The following DNAJC6 variants were observed in gnomAD, a reference collection of about 807,000 sequenced individuals.
DNAJC6 encodes auxilin.
DNAJC6 carries 34 observed loss-of-function variants against 110.0 expected under a neutral mutation model. The observed-to-expected ratio is 0.31, with a 90% CI of 0.24 to 0.41. DNAJC6 has a LOEUF of 0.41. Among genes scored for constraint, DNAJC6 ranks in the 10% least tolerant of loss-of-function variants. The pLI, the probability that DNAJC6 is intolerant of heterozygous loss-of-function variation, is 1.00. For missense variants in DNAJC6, 1,031 were observed against 1,207.8 expected (o/e 0.85, Z 2.17); for synonymous variants, 406 against 437.2 (o/e 0.93, Z 0.89).
upstream of DNAJC6, among the ~76,000 whole-genome samples, chr1:65,309,103 AGGCT>A: frequency 6.6e-6 from 1 of 152,178 alleles, no homozygotes; most frequent in African/African-American, 2.4e-5. Flanking sequence ...CGGTGAAAAT[AGGCT>A]AAGTTGCATG....
intron 1 of DNAJC6, among the ~76,000 whole-genome samples, chr1:65,340,727 A>G (rs1014597507): frequency 1.3e-5 from 2 of 152,156 alleles, no homozygotes; most frequent in Non-Finnish European, 2.9e-5. Context: ...AAAGAATGGT[A>G]GCTTCTCTGC....
At chr1:65,386,964 T>G in intron 8 of DNAJC6, 35 bp downstream of exon 8, 1 of 1,527,332 alleles carries the variant, frequency 6.5e-7, no homozygotes. Flanking sequence ...CATAAGTTCA[T>G]CTGAGTCTTC....
In DNAJC6 at chr1:65,364,635, G is replaced by A. The variant is rs765766449; in HGVS notation, c.194G>A (p.Gly65Asp). Residue 65 changes from glycine (G) to aspartate (D), a missense_variant and splice_region_variant, in exon 2 of 19, where the codon GGT (glycine) becomes GAT (aspartate). Physicochemically the swap from Gly to Asp is moderately conservative, Grantham distance 94 (BLOSUM62 -1). Coordinates refer to ENST00000371069, the MANE Select transcript of DNAJC6 (RefSeq NM_001256864.2). Reference sequence around the variant, plus strand: ...GTTTGTTTTTTTTTTTTTTTGGCAGGTGCCTCATCTCCAGACATGGAGCCC... The same window carrying A: ...GTTTGTTTTTTTTTTTTTTTGGCAGATGCCTCATCTCCAGACATGGAGCCC... ...PDRASTMDSS[G>D]ASSPDMEPSY... 1 of 1,570,246 alleles carries A rather than the reference G, an allele frequency of 6.4e-7. No homozygotes were observed. Among genetic ancestry groups the A allele is most frequent in the Non-Finnish European group, 8.6e-7 (1 of 1,168,652 alleles).
chr1:65,412,236 G>T (rs908008406), intron 18 of DNAJC6, among the ~76,000 whole-genome samples: 1 of 152,118 alleles, frequency 6.6e-6, no homozygotes, highest in African/African-American at 2.4e-5. Context: ...ACATCTAAGG[G>T]CTCTACCTTG....
intron 1 of DNAJC6, among the ~76,000 whole-genome samples, chr1:65,361,323 C>T (rs1398078127): frequency 1.3e-5 from 2 of 152,174 alleles, no homozygotes; most frequent in East Asian, 3.8e-4. Flanking sequence ...ATTCAATGTG[C>T]TTTGCAATTT....
At chr1:65,327,434 G>T (rs1570281959) in intron 1 of DNAJC6, among the ~76,000 whole-genome samples, 1 of 152,190 alleles carries the variant, frequency 6.6e-6, no homozygotes, top group Middle Eastern at 3.4e-3. Context: ...TTTTCTACTT[G>T]ATTCTACAAG....
intron 1 of DNAJC6, chr1:65,279,795 G>C (rs1056235276): frequency 9.9e-5 from 15 of 152,200 alleles, no homozygotes; most frequent in Non-Finnish European, 2.2e-4. Flanking sequence ...CCTATAACAA[G>C]TTTCCAGAGC....
At chr1:65,296,203 G>A (rs113346217) in intron 1 of DNAJC6, among the ~76,000 whole-genome samples, 6 of 152,342 alleles carry the variant, frequency 3.9e-5, no homozygotes, top group African/African-American at 1.4e-4. Context: ...TTTAAAAAAT[G>A]ATGATCTGTA....
chr1:65,365,975 T>A, intron 3 of DNAJC6, 41 bp downstream of exon 3: 1 of 1,613,044 alleles, frequency 6.2e-7, no homozygotes, highest in Non-Finnish European at 8.5e-7. Context: ...TGGCTCAGTT[T>A]CCCGTTGCTG....
upstream of DNAJC6, chr1:65,309,542 C>A (rs868404743): frequency 8.2e-7 from 1 of 1,226,064 alleles, no homozygotes; most frequent in Non-Finnish European, 1.0e-6. Context: ...CCCGGCGCCC[C>A]GAGCCGAGCT....
intron 1 of DNAJC6, among the ~76,000 whole-genome samples, chr1:65,288,712 A>G (rs995145017): frequency 2.6e-5 from 4 of 152,124 alleles, no homozygotes; most frequent in African/African-American, 4.8e-5. Context: ...TAATGACCCA[A>G]TGTTTTACAC....
chr1:65,366,087 G>A lies in DNAJC6; in HGVS notation c.434G>A (p.Arg145Lys). The A allele has an allele frequency of 4.3e-6, 7 of 1,613,884 alleles. No individual in the cohort carries two copies. Among genetic ancestry groups the A allele is most frequent in the Non-Finnish European group, 5.9e-6 (7 of 1,179,824 alleles). The change falls in exon 4 of 19, where the codon AGG becomes AAG. Residue 145 changes from arginine (R) to lysine (K), a missense_variant. Transcript: ENST00000371069. ...CTGGACAATGTTGACATAGGATTCA[G>A]GAATCAGGTTGATGACATTCGAAGC... The part of the protein sequence containing the change: ...FPLDNVDIGF[R>K]NQVDDIRSFL...
chr1:65,316,217 C>T (rs972961167), intron 1 of DNAJC6, among the ~76,000 whole-genome samples: 5 of 152,158 alleles, frequency 3.3e-5, no homozygotes, highest in Non-Finnish European at 5.9e-5. Flanking sequence ...AACTTGTTGT[C>T]GCTCCACTGG....
chr1:65,345,437 G>T (rs1231447841), intron 1 of DNAJC6, among the ~76,000 whole-genome samples: 1 of 152,130 alleles, frequency 6.6e-6, no homozygotes, highest in Non-Finnish European at 1.5e-5. Flanking sequence ...CCATTTTACA[G>T]TTGAGAAAAC....
intron 1 of DNAJC6, among the ~76,000 whole-genome samples, chr1:65,295,014 A>G (rs1318149630): frequency 2.0e-5 from 3 of 152,208 alleles, no homozygotes; most frequent in Non-Finnish European, 4.4e-5. Flanking sequence ...TTTATGTGTT[A>G]TAGAGAAGTA....
At chr1:65,323,560 G>A (rs889458155) in intron 1 of DNAJC6, among the ~76,000 whole-genome samples, 2 of 152,024 alleles carry the variant, frequency 1.3e-5, no homozygotes, top group Admixed American at 6.6e-5. Flanking sequence ...TCCTTATAGC[G>A]ATGTGAAACT....
At position 65,392,878 on chromosome 1, in the gene DNAJC6, A is replaced by G. The variant is rs200243072; in HGVS notation, c.1903+13A>G. The G allele has an allele frequency of 7.5e-5, 112 of 1,493,582 alleles. No homozygotes were observed. Among genetic ancestry groups the G allele is most frequent in the African/African-American group, 1.5e-4 (11 of 71,100 alleles). The allele number at this position is 1,493,582 out of a possible 1,614,324, so 92.5% of individuals were successfully genotyped here. On this transcript the variant is annotated intron_variant, in intron 12 of 18. Transcript: ENST00000371069. ...AGAGTGGGAGAAGGTAATTTTTTCTATGTTGCACTGTGCCTCTCAGATTTG... is the reference window on the plus strand; with the variant it reads ...AGAGTGGGAGAAGGTAATTTTTTCTGTGTTGCACTGTGCCTCTCAGATTTG...
intron 1 of DNAJC6, among the ~76,000 whole-genome samples, chr1:65,346,770 C>A (rs1467548003): frequency 6.6e-6 from 1 of 152,022 alleles, no homozygotes; most frequent in Non-Finnish European, 1.5e-5. Context: ...GTTCTCTTAA[C>A]CTTTGCTTGC....
intron 1 of DNAJC6, among the ~76,000 whole-genome samples, chr1:65,310,214 G>A (rs929966433): frequency 1.2e-4 from 19 of 152,008 alleles, no homozygotes; most frequent in African/African-American, 4.6e-4. Flanking sequence ...GGCGGGGAGG[G>A]GGAGGGAAGG....
Sources: allele counts gnomAD v4.1 joint callset (sites outside exome capture counted in the v4.1 genomes callset), GRCh38; gene constraint gnomAD v4.1.1; transcripts MANE v1.5; gene names NCBI Gene and HGNC (gene_info 2026-07-23, HGNC 2026-07-21).